The following ZFP3 variants were observed in gnomAD, a reference collection of about 807,000 sequenced individuals.
ZFP3 encodes the protein ZFP3 zinc finger protein, also known as zinc finger protein 3 homolog.
In ZFP3, 18 loss-of-function variants were observed where a neutral mutation model predicts 36.7. The observed-to-expected ratio is 0.49, with a 90% CI of 0.34 to 0.73. The LOEUF is 0.73. Among genes scored for constraint, ZFP3 ranks in the 30% least tolerant of loss-of-function variants. ZFP3 has a pLI of 0.01. For synonymous variants in ZFP3, 218 were observed against 199.0 expected, an observed-to-expected ratio of 1.10 and a Z score of -0.81; for missense variants, 495 against 599.0, an observed-to-expected ratio of 0.83 and a Z score of 1.81.
At chr17:5,084,755 C>G (rs2072112494) in intron 1 of ZFP3, among the ~76,000 whole-genome samples, 1 of 152,166 alleles carries the variant, frequency 6.6e-6, no homozygotes, top group Admixed American at 6.5e-5. Context: ...TATCTCTCTT[C>G]AGAAACATTT....
In ZFP3 at chr17:5,095,638, A is replaced by G. The variant is rs753261249; in HGVS notation, c.*2625A>G. On this transcript the variant is annotated 3_prime_UTR_variant, in exon 2 of 2. Coordinates refer to ENST00000318833, the MANE Select transcript of ZFP3 (RefSeq NM_153018.3). The stretch of plus-strand genomic sequence containing the variant: ...GAGAAGAGTTCACATTGTGCATCCT[A>G]TTAGACATTTTGTTCTCAGAAGTAC... The G allele has an allele frequency of 4.8e-5, 8 of 166,774 alleles. No individual in the cohort carries two copies. The highest frequency in any genetic ancestry group is 1.0e-4 in the Non-Finnish European group (7 of 68,082). 10.3% of individuals were successfully genotyped at this position (166,774 alleles called of 1,614,324 possible).
chr17:5,096,157 T>C lies in ZFP3; in HGVS notation c.*3144T>C, dbSNP rs1407943379. On this transcript the variant is annotated 3_prime_UTR_variant, in exon 2 of 2. Coordinates refer to ENST00000318833, the MANE Select transcript of ZFP3 (RefSeq NM_153018.3). ...CACAGTCGTGACTGGTAATGATGAT[T>C]TGTGCAAATACTATCAAGGAAAGGA... 1 of 167,078 alleles carries C rather than the reference T, an allele frequency of 6.0e-6. No homozygotes were observed. The highest frequency in any genetic ancestry group is 1.9e-4 in the East Asian group (1 of 5,200). The allele number at this position is 167,078 out of a possible 1,614,324, so 10.3% of individuals were successfully genotyped here.
chr17:5,093,140 C>T lies in ZFP3; in HGVS notation c.*127C>T, dbSNP rs1297828024. ...GGACAGAACCTCCTCTGTCCTCCCA[C>T]TGATTTTAAATAGTTGGTTGAAGAA... is the stretch of plus-strand genomic sequence containing the variant. On this transcript the variant is annotated 3_prime_UTR_variant, in exon 2 of 2. Coordinates refer to ENST00000318833, the MANE Select transcript of ZFP3 (RefSeq NM_153018.3). 6 of 1,028,908 alleles carry T rather than the reference C, an allele frequency of 5.8e-6. No homozygotes were observed. The highest frequency in any genetic ancestry group is 2.1e-5 in the South Asian group (1 of 46,788). 63.7% of individuals were successfully genotyped at this position (1,028,908 alleles called of 1,614,324 possible).
At chr17:5,091,151 C>T (rs2072147656) in intron 1 of ZFP3, among the ~76,000 whole-genome samples, 1 of 152,086 alleles carries the variant, frequency 6.6e-6, no homozygotes, top group African/African-American at 2.4e-5. Flanking sequence ...TTTCTCACTC[C>T]TGTCAGCATC....
intron 1 of ZFP3, among the ~76,000 whole-genome samples, chr17:5,082,296 A>C (rs1316973026): frequency 6.6e-6 from 1 of 151,948 alleles, no homozygotes; most frequent in East Asian, 2.0e-4. Flanking sequence ...GCAGTGAGCC[A>C]AGATCACGCC....
chr17:5,086,656 G>A (rs2072122535), intron 1 of ZFP3, among the ~76,000 whole-genome samples: 2 of 145,484 alleles, frequency 1.4e-5, no homozygotes. Flanking sequence ...TTTTGCTACT[G>A]TCATTCCCCT....
At chr17:5,087,975 A>G (rs1390991143) in intron 1 of ZFP3, among the ~76,000 whole-genome samples, 1 of 152,138 alleles carries the variant, frequency 6.6e-6, no homozygotes, top group Non-Finnish European at 1.5e-5. Flanking sequence ...AGATAACTGG[A>G]GCACTCGTGA....
Position 5,092,923 on chromosome 17 carries a change from A to C in ZFP3, c.1419A>C (p.Gly473=). ...TCATACATCAGAGAATTCACACTGG[A>C]GAGAAGCCTTATGAGTGCCAAGAAT... The part of the protein sequence containing the change: ...QLIIHQRIHT[G]EKPYECQECQ... The change falls in exon 2 of 2, where the codon GGA becomes GGC. Residue 473 remains glycine, a synonymous_variant. Transcript: ENST00000318833. The surrounding 1 kb of genome is among the most constrained non-coding windows in gnomAD (Gnocchi z 5.0). 2 of 1,614,150 alleles carry C rather than the reference A, an allele frequency of 1.2e-6. No homozygotes were observed. The highest frequency in any genetic ancestry group is 1.7e-5 in the Admixed American group (1 of 60,018).
chr17:5,092,961 T>C lies in ZFP3; in HGVS notation c.1457T>C (p.Phe486Ser). 1 of 1,612,786 alleles carries C rather than the reference T, an allele frequency of 6.2e-7. No individual in the cohort carries two copies. Among genetic ancestry groups the C allele is most frequent in the Admixed American group, 1.7e-5 (1 of 59,780 alleles). Residue 486 changes from phenylalanine (F) to serine (S), a missense_variant, in exon 2 of 2, where the codon TTT becomes TCT. Phe to Ser is a radical substitution (Grantham distance 155, BLOSUM62 -2). This residue lies in a region of ZFP3 where 163 missense variants were observed against 178.4 expected (regional missense o/e 0.91). Transcript: ENST00000318833. This position sits in a 1 kb window ranked among gnomAD's most constrained non-coding sequence, Gnocchi z 5.0. The part of the protein sequence containing the change: ...PYECQECQKT[F>S]SRSSHLLRHQ... The stretch of plus-strand genomic sequence containing the variant: ...GAGTGCCAAGAATGTCAGAAGACTT[T>C]TAGTCGGAGCTCTCACCTCCTCCGA...
Position 5,095,398 on chromosome 17 carries a change from GAATT to G in ZFP3, c.*2386_*2389del, listed in dbSNP as rs1227240227. On this transcript the variant is annotated 3_prime_UTR_variant, in exon 2 of 2. Transcript: ENST00000318833. ...CTTTTTCATTGCTGGAGCACAAATTGAATTGTGCCCAGACCGTATCTTTCTCACA... is the reference window on the plus strand; with the variant it reads ...CTTTTTCATTGCTGGAGCACAAATTGGTGCCCAGACCGTATCTTTCTCACA... 1.8e-5 allele frequency: 3 copies of G among 166,966 alleles called. No homozygotes were observed. Among genetic ancestry groups the G allele is most frequent in the African/African-American group, 7.2e-5 (3 of 41,404 alleles). The allele number at this position is 166,966 out of a possible 1,614,324, so 10.3% of individuals were successfully genotyped here. A position where few individuals can be genotyped will look rare whatever the true frequency, so the allele number is the denominator to read the frequency against.
rs766570816 is a variant in ZFP3 at position 5,093,050 on chromosome 17, A to C, written c.*37A>C. On this transcript the variant is annotated 3_prime_UTR_variant, in exon 2 of 2. Coordinates refer to ENST00000318833, the MANE Select transcript of ZFP3 (RefSeq NM_153018.3). ...GGAAAGCTTTTAGTGGAAAAGCTAAAGTCCAACTTATTCATTTGTTCATAA... is the reference window on the plus strand; with the variant it reads ...GGAAAGCTTTTAGTGGAAAAGCTAACGTCCAACTTATTCATTTGTTCATAA... 6.6e-7 allele frequency: 1 copy of C among 1,520,512 alleles called. No individual in the cohort carries two copies. 94.2% of individuals were successfully genotyped at this position (1,520,512 alleles called of 1,614,324 possible). A position where few individuals can be genotyped will look rare whatever the true frequency, so the allele number is the denominator to read the frequency against.
chr17:5,085,251 G>T (rs569270341), intron 1 of ZFP3, among the ~76,000 whole-genome samples: 6 of 152,186 alleles, frequency 3.9e-5, no homozygotes, highest in South Asian at 4.1e-4. Flanking sequence ...TCACCATGTT[G>T]TCCAGGCTGG....
chr17:5,088,559 C>T (rs553254465), intron 1 of ZFP3, among the ~76,000 whole-genome samples: 1 of 152,036 alleles, frequency 6.6e-6, no homozygotes, highest in African/African-American at 2.4e-5. Context: ...CGTGATCCTC[C>T]CGCCTTGGCC....
intron 1 of ZFP3, among the ~76,000 whole-genome samples, chr17:5,088,978 CAAAT>C (rs1181328773): frequency 3.3e-5 from 5 of 152,160 alleles, no homozygotes; most frequent in Admixed American, 3.3e-4. Context: ...CCGTAGTGCA[CAAAT>C]AGACTGCCCT....
At position 5,092,881 on chromosome 17, in the gene ZFP3, C is replaced by T. The variant is rs1309810904; in HGVS notation, c.1377C>T (p.Ser459=). ...GTAGCGAGTGTGAGAAAACATTTAG[C>T]CAGCATTCCCAACTTATCATACATC... ...YECSECEKTF[S]QHSQLIIHQR... Residue 459 remains serine, a synonymous_variant, in exon 2 of 2, where the codon AGC becomes AGT. Coordinates refer to ENST00000318833, the MANE Select transcript of ZFP3 (RefSeq NM_153018.3). The surrounding 1 kb of genome is among the most constrained non-coding windows in gnomAD (Gnocchi z 5.0). The T allele has an allele frequency of 5.6e-6, 9 of 1,613,868 alleles. No homozygotes were observed. Among genetic ancestry groups the T allele is most frequent in the Non-Finnish European group, 7.6e-6 (9 of 1,180,006 alleles).
intron 1 of ZFP3, among the ~76,000 whole-genome samples, chr17:5,090,164 ATT>A (rs2072142587): frequency 6.6e-6 from 1 of 152,234 alleles, no homozygotes; most frequent in African/African-American, 2.4e-5. Context: ...TGGACTACAA[ATT>A]TATACTAAAG....
At position 5,094,189 on chromosome 17, in the gene ZFP3, C is replaced by T. The variant is rs1353397588; in HGVS notation, c.*1176C>T. 1.2e-5 allele frequency: 2 copies of T among 167,102 alleles called. No homozygotes were observed. Among genetic ancestry groups the T allele is most frequent in the Admixed American group, 1.3e-4 (2 of 15,280 alleles). The allele number at this position is 167,102 out of a possible 1,614,324, so 10.4% of individuals were successfully genotyped here. A position where few individuals can be genotyped will look rare whatever the true frequency, so the allele number is the denominator to read the frequency against. The stretch of plus-strand genomic sequence containing the variant: ...ATGTCGTAGCCTCTTCTTGGTTTTG[C>T]CCCTTGGCCTTGAAATTCTTTTTTC... On this transcript the variant is annotated 3_prime_UTR_variant, in exon 2 of 2. Transcript: ENST00000318833.
intron 1 of ZFP3, among the ~76,000 whole-genome samples, chr17:5,086,996 G>A (rs2072124990): frequency 6.6e-6 from 1 of 151,774 alleles, no homozygotes; most frequent in Non-Finnish European, 1.5e-5. Context: ...CCAAAGTGCT[G>A]GGATAACAGG....
chr17:5,094,060 A>C lies in ZFP3; in HGVS notation c.*1047A>C, dbSNP rs958732251. On this transcript the variant is annotated 3_prime_UTR_variant, in exon 2 of 2. Coordinates refer to ENST00000318833, the MANE Select transcript of ZFP3 (RefSeq NM_153018.3). Reference sequence around the variant, plus strand: ...CTTCACCTCCTCCGGGCACCTGGCTACAGTGATGAGTCAGTTCACCTGATG... The same window carrying C: ...CTTCACCTCCTCCGGGCACCTGGCTCCAGTGATGAGTCAGTTCACCTGATG... 1 of 167,220 alleles carries C rather than the reference A, an allele frequency of 6.0e-6. No individual in the cohort carries two copies. The highest frequency in any genetic ancestry group is 1.9e-4 in the East Asian group (1 of 5,206). The allele number at this position is 167,220 out of a possible 1,614,324, so 10.4% of individuals were successfully genotyped here.
Sources: allele counts gnomAD v4.1 joint callset (sites outside exome capture counted in the v4.1 genomes callset), GRCh38; gene constraint gnomAD v4.1.1; regional missense constraint gnomAD v4.1.1; non-coding constraint Gnocchi (gnomAD v3.1); transcripts MANE v1.5; gene names NCBI Gene and HGNC (gene_info 2026-07-23, HGNC 2026-07-21).